The following CDH4 variants were observed in gnomAD, a reference collection of about 807,000 sequenced individuals.
The protein encoded by CDH4 is cadherin 4, also known as cadherin-4.
In CDH4, 33 loss-of-function variants were observed where a neutral mutation model predicts 86.0. The ratio of observed to expected loss-of-function variants is 0.38; its 90% CI spans 0.29 to 0.51. The LOEUF is 0.51. CDH4 is among the 20% of genes least tolerant of loss of function. The pLI is 0.86. For missense variants in CDH4, 1,114 were observed against 1,307.4 expected, an observed-to-expected ratio of 0.85 and a Z score of 2.28; for synonymous variants, 555 against 549.4, an observed-to-expected ratio of 1.01 and a Z score of -0.14.
At chr20:61,932,755 C>G (rs542853095) in intron 13 of CDH4, among the ~76,000 whole-genome samples, 1 of 152,244 alleles carries the variant, frequency 6.6e-6, no homozygotes, top group Non-Finnish European at 1.5e-5. Context: ...CCTACATCCA[C>G]GAATGCACAC....
chr20:61,758,246 C>T (rs769080295), intron 3 of CDH4, among the ~76,000 whole-genome samples: 1 of 152,030 alleles, frequency 6.6e-6, no homozygotes, highest in Non-Finnish European at 1.5e-5. Context: ...AGAAGCCAGC[C>T]GTGAAAAAAT....
chr20:61,662,024 A>T (rs567129390), intron 2 of CDH4, among the ~76,000 whole-genome samples: 1 of 152,148 alleles, frequency 6.6e-6, no homozygotes, highest in Non-Finnish European at 1.5e-5. Flanking sequence ...GTGAAACCCC[A>T]GGTGTGTTGG....
chr20:61,560,828 G>C (rs16985219), intron 2 of CDH4, among the ~76,000 whole-genome samples: 1 of 152,172 alleles, frequency 6.6e-6, no homozygotes, highest in Non-Finnish European at 1.5e-5. Context: ...CCTGGCCTTC[G>C]CAGCGGGAGC....
Position 61,252,504 on chromosome 20 carries a change from G to T in CDH4, c.-10G>T, listed in dbSNP as rs1315752745. ...TCCCGGTGCCGGGCACCGGGCGGGC[G>T]GCGGGGAAGATGACCGCGGGCGCCG... On this transcript the variant is annotated 5_prime_UTR_variant, in exon 1 of 16. Transcript: ENST00000614565. The surrounding 1 kb of genome is among the most constrained non-coding windows in gnomAD (Gnocchi z 4.4). 2 of 1,176,684 alleles carry T rather than the reference G, an allele frequency of 1.7e-6. No individual in the cohort carries two copies. Among genetic ancestry groups the T allele is most frequent in the East Asian group, 7.4e-5 (2 of 26,980 alleles). 72.9% of individuals were successfully genotyped at this position (1,176,684 alleles called of 1,614,324 possible).
At chr20:61,929,159 CT>C (rs11474756) in intron 12 of CDH4, among the ~76,000 whole-genome samples, 12 of 148,522 alleles carry the variant, frequency 8.1e-5, no homozygotes, top group African/African-American at 7.4e-5. Context: ...TCTCCAATGT[CT>C]TTTTTTTTTT....
At chr20:61,906,909 C>T (rs1248383041) in intron 8 of CDH4, among the ~76,000 whole-genome samples, 10 of 152,198 alleles carry the variant, frequency 6.6e-5, no homozygotes, top group African/African-American at 2.4e-4. Context: ...GCACCCAGGA[C>T]ATTTTGCAAC....
intron 2 of CDH4, among the ~76,000 whole-genome samples, chr20:61,439,252 T>C (rs2085301956): frequency 6.6e-6 from 1 of 152,244 alleles, no homozygotes; most frequent in African/African-American, 2.4e-5. Context: ...TGTGCTGCAG[T>C]GTGCGTTTCG....
intron 2 of CDH4, among the ~76,000 whole-genome samples, chr20:61,652,797 G>GAAA (rs10668889): frequency 4.8e-4 from 61 of 128,138 alleles, no homozygotes; most frequent in African/African-American, 7.2e-4. Context: ...TTTTTCAAAT[G>GAAA]AAAAAAAAAA....
intron 2 of CDH4, among the ~76,000 whole-genome samples, chr20:61,702,440 G>A (rs957490343): frequency 2.6e-5 from 4 of 152,132 alleles, no homozygotes; most frequent in Admixed American, 6.5e-5. Context: ...GTAAAAAGAC[G>A]ACAAGGGCCA....
intron 2 of CDH4, among the ~76,000 whole-genome samples, chr20:61,513,005 T>G (rs1050954279): frequency 1.3e-5 from 2 of 152,262 alleles, no homozygotes; most frequent in African/African-American, 2.4e-5. Context: ...TTTTCCATTT[T>G]CAAAGCACAT....
intron 2 of CDH4, among the ~76,000 whole-genome samples, chr20:61,504,547 C>T (rs529855675): frequency 1.2e-4 from 18 of 152,300 alleles, no homozygotes; most frequent in Middle Eastern, 3.4e-3. Context: ...AAGATCCCAC[C>T]GTAGGCAATG....
chr20:61,445,221 TGGAGCTGGGGGA>T (rs1277376138), intron 2 of CDH4, among the ~76,000 whole-genome samples: 1 of 152,090 alleles, frequency 6.6e-6, no homozygotes, highest in Non-Finnish European at 1.5e-5. Flanking sequence ...CTGGAATCAA[TGGAGCTGGGGGA>T]CCCCAGCTGA....
intron 2 of CDH4, among the ~76,000 whole-genome samples, chr20:61,651,561 A>C (rs909018185): frequency 6.6e-6 from 1 of 152,222 alleles, no homozygotes; most frequent in African/African-American, 2.4e-5. Context: ...GGTTGGACTC[A>C]CACCTGCACC....
intron 2 of CDH4, among the ~76,000 whole-genome samples, chr20:61,592,850 C>A (rs545460217): frequency 4.6e-5 from 7 of 152,104 alleles, no homozygotes; most frequent in African/African-American, 1.7e-4. Flanking sequence ...AAAATAATGA[C>A]CCCCCAGATG....
intron 2 of CDH4, among the ~76,000 whole-genome samples, chr20:61,556,458 G>A (rs1936205): frequency 0.031 from 4,739 of 152,254 alleles, 148 homozygotes; most frequent in African/African-American, 0.079. Context: ...TCTGCACACA[G>A]ACTTTTGTTA....
chr20:61,779,144 T>A (rs551830064), intron 4 of CDH4, among the ~76,000 whole-genome samples: 1 of 152,200 alleles, frequency 6.6e-6, no homozygotes, highest in Non-Finnish European at 1.5e-5. Flanking sequence ...ATGAAACTTT[T>A]AAGAAGAGCA....
chr20:61,598,926 T>C (rs563327169), intron 2 of CDH4, among the ~76,000 whole-genome samples: 107 of 152,308 alleles, frequency 7.0e-4, no homozygotes, highest in African/African-American at 2.6e-3. Context: ...CTGCGGTCAG[T>C]GAGGGTCGCC....
chr20:61,633,316 ACT>A (rs1464123871), intron 2 of CDH4, among the ~76,000 whole-genome samples: 1 of 146,500 alleles, frequency 6.8e-6, no homozygotes, highest in African/African-American at 2.5e-5. Context: ...CATGCATCCA[ACT>A]CTCCATTCAT....
Position 61,654,101 on chromosome 20 carries a change from T to C in CDH4, c.170-89462T>C, listed in dbSNP as rs1012579498. On this transcript the variant is annotated intron_variant, in intron 2 of 15. Transcript: ENST00000614565. The stretch of plus-strand genomic sequence containing the variant: ...CTGGGAGGTGGAGGTTGTAGCGAGC[T>C]GAGATCACGCCACTGCACTCCAGCC... 3.9e-5 allele frequency among the ~76,000 whole-genome samples: 6 copies of C among 152,022 alleles called. No individual in the cohort carries two copies. In the South Asian group the frequency reaches 6.2e-4, roughly 16 times the overall value.
Sources: allele counts gnomAD v4.1 joint callset (sites outside exome capture counted in the v4.1 genomes callset), GRCh38; gene constraint gnomAD v4.1.1; non-coding constraint Gnocchi (gnomAD v3.1); transcripts MANE v1.5; gene names NCBI Gene and HGNC (gene_info 2026-07-23, HGNC 2026-07-21).